The following OVGP1 variants were observed in gnomAD, a reference collection of about 807,000 sequenced individuals.
The protein encoded by OVGP1 is oviduct-specific glycoprotein.
In OVGP1, 26 loss-of-function variants were observed where a neutral mutation model predicts 48.2. The ratio of observed to expected loss-of-function variants is 0.54; its 90% CI spans 0.40 to 0.75. The LOEUF is 0.75. Among genes scored for constraint, OVGP1 ranks in the 30% least tolerant of loss-of-function variants. The probability of loss-of-function intolerance (pLI) is 0.00; values close to 1 mark genes in which losing one functional copy is unlikely to be tolerated. For missense variants in OVGP1, 791 were observed against 820.6 expected (o/e 0.96, Z 0.44); for synonymous variants, 294 against 305.7 (o/e 0.96, Z 0.40).
In OVGP1 at chr1:111,415,038, G is replaced by T. The variant is rs761199351; in HGVS notation, c.1463C>A (p.Thr488Asn). ...AGGGGTCAGGGCCTTCTCTCCAGGG[G>T]TCATGGACTGATGACCCACAGAAGT... Reference protein sequence around the residue: ...TMTSVGHQSMTPGEKALTPVG... With the variant: ...TMTSVGHQSMNPGEKALTPVG... The change falls in exon 11 of 11, where the codon ACC becomes AAC. Residue 488 changes from threonine to asparagine, a missense_variant. Coordinates refer to ENST00000369732, the MANE Select transcript of OVGP1 (RefSeq NM_002557.4). The T allele has an allele frequency of 2.5e-6, 4 of 1,613,704 alleles. No homozygotes were observed. Among genetic ancestry groups the T allele is most frequent in the Non-Finnish European group, 3.4e-6 (4 of 1,179,754 alleles).
chr1:111,425,777 T>C (rs1652384020), intron 3 of OVGP1, among the ~76,000 whole-genome samples: 1 of 152,236 alleles, frequency 6.6e-6, no homozygotes, highest in African/African-American at 2.4e-5. Context: ...TATTGAGCAA[T>C]GTCTATGTGC....
chr1:111,427,151 C>A, intron 1 of OVGP1, 60 bp from the exon 2 acceptor site: 4 of 1,611,970 alleles, frequency 2.5e-6, no homozygotes, highest in Non-Finnish European at 3.4e-6. Context: ...AGTGGTATGG[C>A]ACAGCACACC....
chr1:111,427,517 CT>C (rs1652426961), intron 1 of OVGP1, 179 bp downstream of exon 1: 1 of 505,032 alleles, frequency 2.0e-6, no homozygotes, highest in Non-Finnish European at 2.6e-6. Flanking sequence ...AACCACTGCT[CT>C]GACCACTTCT....
rs573085224 is a variant in OVGP1, at chr1:111,414,784, T to G, written c.1717A>C (p.Lys573Gln). The change falls in exon 11 of 11, where the codon AAG becomes CAG. Residue 573 changes from lysine (K) to glutamine (Q), a missense_variant. Lys to Gln is a moderately conservative substitution (Grantham distance 53). Transcript: ENST00000369732. Reference sequence around the variant, plus strand: ...ATGTTTCTGGAGGGGACAGTCACCTTTTCACGGGCCACAGCCTTCCTTCTA... The same window carrying G: ...ATGTTTCTGGAGGGGACAGTCACCTGTTCACGGGCCACAGCCTTCCTTCTA... ...APRRKAVARE[K>Q]VTVPSRNISV... 1.2e-6 allele frequency: 2 copies of G among 1,605,278 alleles called. No individual in the cohort carries two copies. Among genetic ancestry groups the G allele is most frequent in the African/African-American group, 2.7e-5 (2 of 74,818 alleles).
intron 8 of OVGP1, 30 bp downstream of exon 8, chr1:111,421,246 C>T: frequency 1.9e-6 from 3 of 1,570,370 alleles, no homozygotes; most frequent in Non-Finnish European, 2.6e-6. Context: ...AGAGTCCTAA[C>T]TGCTAGACAG....
Position 111,415,360 on chromosome 1 carries a change from A to G in OVGP1, c.1157-16T>C. On this transcript the variant is annotated splice_polypyrimidine_tract_variant and intron_variant, in intron 10 of 10. Coordinates refer to ENST00000369732, the MANE Select transcript of OVGP1 (RefSeq NM_002557.4). ...GAACTGAACTCTAGAGAAAATCAAC[A>G]GAAAAGAATGAGATTCCTACCACTT... 1 of 1,593,612 alleles carries G rather than the reference A, an allele frequency of 6.3e-7. No homozygotes were observed.
At chr1:111,423,127 A>G in intron 5 of OVGP1, 76 bp from the exon 6 acceptor site, 17 of 1,582,978 alleles carry the variant, frequency 1.1e-5, no homozygotes, top group Non-Finnish European at 1.5e-5. Context: ...TCATCTAGGA[A>G]GCATTTACTG....
intron 6 of OVGP1, among the ~76,000 whole-genome samples, chr1:111,422,341 C>T (rs1230449715): frequency 6.6e-6 from 1 of 152,178 alleles, no homozygotes; most frequent in Non-Finnish European, 1.5e-5. Flanking sequence ...CAGGAACATC[C>T]CATTTCTGTT....
chr1:111,423,593 G>C lies in OVGP1; in HGVS notation c.433C>G (p.Leu145Val). ...GLDLFFLYPG[L>V]RGSPMHDRWT... ...CGGTCATGCATGGGGCTGCCTCTTA[G>C]TCCAGGATATAAGAAGAAAAGGTCA... The change falls in exon 5 of 11, where the codon CTA (leucine) becomes GTA (valine). Residue 145 changes from leucine to valine, a missense_variant. Transcript: ENST00000369732. The C allele has an allele frequency of 6.2e-7, 1 of 1,614,162 alleles. No individual in the cohort carries two copies. Among genetic ancestry groups the C allele is most frequent in the Non-Finnish European group, 8.5e-7 (1 of 1,180,012 alleles).
At chr1:111,420,141 C>T (rs1652228374) in intron 8 of OVGP1, among the ~76,000 whole-genome samples, 1 of 152,196 alleles carries the variant, frequency 6.6e-6, no homozygotes, top group South Asian at 2.1e-4. Flanking sequence ...GGTTCTCAAA[C>T]TAGCACCTGA....
chr1:111,427,276 C>G, intron 1 of OVGP1, 185 bp from the exon 2 acceptor site: 1 of 985,416 alleles, frequency 1.0e-6, no homozygotes, highest in Non-Finnish European at 1.2e-6. Flanking sequence ...ACCAGTGGAG[C>G]TAGATATAAG....
chr1:111,420,695 A>T (rs776818850), intron 8 of OVGP1, among the ~76,000 whole-genome samples: 95 of 152,336 alleles, frequency 6.2e-4, no homozygotes, highest in Non-Finnish European at 9.8e-4. Context: ...CCTTGGAAAC[A>T]TGTCTCTTTC....
rs1295145925 is a variant in OVGP1, at chr1:111,415,343, C to T, written c.1158G>A (p.Glu386=). Residue 386 remains glutamate, a splice_region_variant and synonymous_variant, in exon 11 of 11, where the codon GAG becomes GAA. Coordinates refer to ENST00000369732, the MANE Select transcript of OVGP1 (RefSeq NM_002557.4). ...ATTGTGGTAAAGAAGTTGAACTGAA[C>T]TCTAGAGAAAATCAACAGAAAAGAA... ...YVLNDILVRA[E]FSSTSLPQFW... The T allele has an allele frequency of 6.2e-7, 1 of 1,601,492 alleles. No homozygotes were observed. Among genetic ancestry groups the T allele is most frequent in the Non-Finnish European group, 8.5e-7 (1 of 1,172,434 alleles).
At position 111,417,653 on chromosome 1, in the gene OVGP1, A is replaced by T. The variant is rs189651731; in HGVS notation, c.1021-1195T>A. Reference sequence around the variant, plus strand: ...CACACACACACATGCACACACACACACATACTCACATACCCCAACACCCCA... The same window carrying T: ...CACACACACACATGCACACACACACTCATACTCACATACCCCAACACCCCA... On this transcript the variant is annotated intron_variant, in intron 9 of 10. Transcript: ENST00000369732. Among the ~76,000 whole-genome samples the T allele has an allele frequency of 6.4e-4, 97 of 152,288 alleles. 1 individual carries two copies. The highest frequency in any genetic ancestry group is 2.5e-3 in the Admixed American group (38 of 15,292).
At chr1:111,426,142 T>C (rs1415271945) in intron 3 of OVGP1, among the ~76,000 whole-genome samples, 1 of 152,176 alleles carries the variant, frequency 6.6e-6, no homozygotes, top group African/African-American at 2.4e-5. Context: ...ACAGCATTAA[T>C]AACTAAAATC....
Position 111,415,161 on chromosome 1 carries a change from C to A in OVGP1, c.1340G>T (p.Arg447Ile). 6.2e-7 allele frequency: 1 copy of A among 1,614,164 alleles called. No individual in the cohort carries two copies. Among genetic ancestry groups the A allele is most frequent in the Non-Finnish European group, 8.5e-7 (1 of 1,180,022 alleles). The change falls in exon 11 of 11, where the codon AGA becomes ATA. Residue 447 changes from arginine to isoleucine, a missense_variant. Physicochemically the swap from Arg to Ile is moderately conservative, Grantham distance 97. Transcript: ENST00000369732. ...CTTTGTAGGGGTCACAGTTGTACCT[C>A]TAGGGGTTATAGTCATATTTTCACA... Reference protein sequence around the residue: ...GKCENMTITPRGTTVTPTKET... With the variant: ...GKCENMTITPIGTTVTPTKET...
chr1:111,421,163 C>T (rs1335420035), intron 8 of OVGP1, 113 bp downstream of exon 8: 2 of 902,452 alleles, frequency 2.2e-6, no homozygotes, highest in Non-Finnish European at 3.3e-6. Context: ...AATAGACCAC[C>T]TCTTTGCCCT....
Position 111,421,532 on chromosome 1 carries a change from G to T in OVGP1, c.717+33C>A, listed in dbSNP as rs777000852. Reference sequence around the variant, plus strand: ...ATGGCCTGAGCTCAGGGGGGCAGATGTCTGGACCACCTGAGATCTTTCCTT... The same window carrying T: ...ATGGCCTGAGCTCAGGGGGGCAGATTTCTGGACCACCTGAGATCTTTCCTT... On this transcript the variant is annotated intron_variant, in intron 7 of 10. Transcript: ENST00000369732. 4.4e-6 allele frequency: 7 copies of T among 1,603,392 alleles called. No individual in the cohort carries two copies. In the African/African-American group the frequency reaches 9.4e-5, roughly 21 times the overall value.
chr1:111,426,428 T>A lies in OVGP1; in HGVS notation c.260+9A>T. The A allele has an allele frequency of 6.2e-7, 1 of 1,614,018 alleles. No homozygotes were observed. The highest frequency in any genetic ancestry group is 1.7e-5 in the Admixed American group (1 of 60,030). On this transcript the variant is annotated intron_variant, in intron 3 of 10. Coordinates refer to ENST00000369732, the MANE Select transcript of OVGP1 (RefSeq NM_002557.4). ...GAAAATACAACCCCCACATCCAATA[T>A]GAACACACCTCTCCTTTAGTTTGTT... is the stretch of plus-strand genomic sequence containing the variant.
Sources: allele counts gnomAD v4.1 joint callset (sites outside exome capture counted in the v4.1 genomes callset), GRCh38; gene constraint gnomAD v4.1.1; transcripts MANE v1.5; gene names NCBI Gene and HGNC (gene_info 2026-07-23, HGNC 2026-07-21).